Variants in NOSTRIN observed in about 807,000 individuals in gnomAD.
NOSTRIN encodes the protein BM247 homolog.
Under a neutral mutation model 59.0 loss-of-function variants are expected in NOSTRIN, and 63 were observed. That is an observed-to-expected ratio of 1.07 (90% CI 0.87 to 1.32). NOSTRIN has a LOEUF of 1.32. Among genes scored for constraint, NOSTRIN ranks in the 40% most tolerant of loss-of-function variants. The pLI, the probability that NOSTRIN is intolerant of heterozygous loss-of-function variation, is 0.00. For synonymous variants in NOSTRIN, 200 were observed against 165.4 expected, an observed-to-expected ratio of 1.21 and a Z score of -1.61; for missense variants, 512 against 473.1, an observed-to-expected ratio of 1.08 and a Z score of -0.76.
At chr2:168,813,188 C>T (rs1686238322) in intron 2 of NOSTRIN, among the ~76,000 whole-genome samples, 1 of 152,124 alleles carries the variant, frequency 6.6e-6, no homozygotes, top group Non-Finnish European at 1.5e-5. Flanking sequence ...CCTATGAATT[C>T]AACTCATTAC....
chr2:168,829,748 T>C (rs143526517), intron 5 of NOSTRIN, among the ~76,000 whole-genome samples: 65 of 152,078 alleles, frequency 4.3e-4, no homozygotes, highest in African/African-American at 1.4e-3. Context: ...CTGATAGGGG[T>C]GGGGTTATGG....
At position 168,860,504 on chromosome 2, in the gene NOSTRIN, C is replaced by G. The variant is rs145794908; in HGVS notation, c.1180-291C>G. Reference sequence around the variant, plus strand: ...TGGCTGACACGGTGAAACCCCGTCTCTACTAAGAATACAAAAATTAGCCAG... The same window carrying G: ...TGGCTGACACGGTGAAACCCCGTCTGTACTAAGAATACAAAAATTAGCCAG... On this transcript the variant is annotated intron_variant, in intron 13 of 15. Transcript: ENST00000317647. 9.2e-3 allele frequency among the ~76,000 whole-genome samples: 1,395 copies of G among 152,186 alleles called. 26 individuals carry two copies. Among genetic ancestry groups the G allele is most frequent in the African/African-American group, 0.03 (1,258 of 41,520 alleles).
At chr2:168,824,329 C>T (rs941816397) in intron 2 of NOSTRIN, among the ~76,000 whole-genome samples, 7 of 151,312 alleles carry the variant, frequency 4.6e-5, no homozygotes, top group Non-Finnish European at 8.8e-5. Flanking sequence ...GATGGAGTCT[C>T]GCTTTGTCAC....
chr2:168,803,136 G>T (rs1446627924), intron 1 of NOSTRIN, among the ~76,000 whole-genome samples: 1 of 152,124 alleles, frequency 6.6e-6, no homozygotes, highest in East Asian at 1.9e-4. Context: ...CAGGAGGAAG[G>T]ATAGACTCCC....
intron 8 of NOSTRIN, among the ~76,000 whole-genome samples, chr2:168,844,658 C>T (rs1265219405): frequency 6.6e-6 from 1 of 152,114 alleles, no homozygotes; most frequent in East Asian, 1.9e-4. Context: ...ATCAAGAGGT[C>T]AGGAGATCGA....
At chr2:168,817,396 CAG>C (rs1030900109) in intron 2 of NOSTRIN, among the ~76,000 whole-genome samples, 4 of 152,194 alleles carry the variant, frequency 2.6e-5, no homozygotes, top group Admixed American at 1.3e-4. Flanking sequence ...GGGGCTACCT[CAG>C]GGGGTGAGGA....
At position 168,864,973 on chromosome 2, in the gene NOSTRIN, C is replaced by G; in HGVS notation, c.*3C>G. Reference sequence around the variant, plus strand: ...GCAACACAGCTACAAAGGCATAAAACAAGACTCTGAACATACTACCTTCAC... The same window carrying G: ...GCAACACAGCTACAAAGGCATAAAAGAAGACTCTGAACATACTACCTTCAC... On this transcript the variant is annotated 3_prime_UTR_variant, in exon 16 of 16. Transcript: ENST00000317647. The G allele has an allele frequency of 6.2e-7, 1 of 1,613,918 alleles. No individual in the cohort carries two copies. The highest frequency in any genetic ancestry group is 1.1e-5 in the South Asian group (1 of 91,084).
chr2:168,865,132 C>G lies in NOSTRIN; in HGVS notation c.*162C>G. Reference sequence around the variant, plus strand: ...TGCATTCATGATTATTAGCTTGAAACAGTCAGAAAAAAGATGGATGGGTGG... The same window carrying G: ...TGCATTCATGATTATTAGCTTGAAAGAGTCAGAAAAAAGATGGATGGGTGG... On this transcript the variant is annotated 3_prime_UTR_variant, in exon 16 of 16. Coordinates refer to ENST00000317647, the MANE Select transcript of NOSTRIN (RefSeq NM_001039724.4). The G allele has an allele frequency of 5.3e-6, 4 of 757,912 alleles. No homozygotes were observed. Among genetic ancestry groups the G allele is most frequent in the Non-Finnish European group, 8.2e-6 (4 of 484,960 alleles). 46.9% of individuals were successfully genotyped at this position (757,912 alleles called of 1,614,324 possible). A position where few individuals can be genotyped will look rare whatever the true frequency, so the allele number is the denominator to read the frequency against.
chr2:168,864,764 ACT>A, intron 15 of NOSTRIN, 68 bp from the exon 16 acceptor site: 1 of 1,568,416 alleles, frequency 6.4e-7, no homozygotes, highest in Admixed American at 1.8e-5. Context: ...CCTCCTTAAA[ACT>A]CTTATCAATC....
rs543894247 is a variant in NOSTRIN at position 168,792,331 on chromosome 2, TTAAA to T, written c.-473+4288_-473+4291del. Among the ~76,000 whole-genome samples, 590 of 152,296 alleles carry T rather than the reference TTAAA, an allele frequency of 3.9e-3. 5 individuals are homozygous for T. Among genetic ancestry groups the T allele is most frequent in the African/African-American group, 0.013 (549 of 41,582 alleles). ...AAATTTAGTGAAAGAAAAAAATGCA[TTAAA>T]TAAAACTTCTTGAGAATTCTAAATT... On this transcript the variant is annotated intron_variant, in intron 2 of 20. Transcript: ENST00000458381.
At chr2:168,794,532 T>C (rs532614777), upstream of NOSTRIN, among the ~76,000 whole-genome samples, 18 of 151,910 alleles carry the variant, frequency 1.2e-4, no homozygotes, top group Non-Finnish European at 1.8e-4. Context: ...TTTGTGTTTT[T>C]ACTAGAGACG....
Position 168,860,880 on chromosome 2 carries a change from G to A in NOSTRIN, c.1265G>A (p.Gly422Glu), listed in dbSNP as rs759946594. Reference sequence around the variant, plus strand: ...ATTGTGAGCAAGGCATCTTCTGGTGGGCAGAGCAATCCAGGTTCTTCAACT... The same window carrying A: ...ATTGTGAGCAAGGCATCTTCTGGTGAGCAGAGCAATCCAGGTTCTTCAACT... The part of the protein sequence containing the change: ...ENIVSKASSG[G>E]QSNPGSSTPA... The change falls in exon 14 of 16, where the codon GGG becomes GAG. Residue 422 changes from glycine (G) to glutamate (E), a missense_variant. By Grantham distance (98) the Gly-to-Glu change is moderately conservative. Transcript: ENST00000317647. 4.7e-5 allele frequency: 76 copies of A among 1,613,688 alleles called. No homozygotes were observed. In the South Asian group the frequency reaches 7.4e-4, roughly 16 times the overall value.
At chr2:168,826,062 C>T (rs1215146245) in intron 3 of NOSTRIN, among the ~76,000 whole-genome samples, 3 of 152,226 alleles carry the variant, frequency 2.0e-5, no homozygotes, top group Non-Finnish European at 4.4e-5. Flanking sequence ...TCTTACCTCT[C>T]AAGATCTCTT....
chr2:168,819,907 CT>C lies in NOSTRIN; in HGVS notation c.114-4726del, dbSNP rs2105589190. 2.0e-5 allele frequency among the ~76,000 whole-genome samples: 3 copies of C among 152,294 alleles called. No homozygotes were observed. The South Asian group carries it at 6.2e-4, about 32-fold the overall frequency. ...CTTTGCCAGACCCTCAACATCCCCA[CT>C]CCCTATCCCCCAAATGCCTTGCAAC... On this transcript the variant is annotated intron_variant, in intron 2 of 15. Transcript: ENST00000317647.
At chr2:168,861,918 C>T (rs754949541) in intron 14 of NOSTRIN, 42 bp from the exon 15 acceptor site, 22 of 1,558,608 alleles carry the variant, frequency 1.4e-5, no homozygotes, top group Non-Finnish European at 1.9e-5. Flanking sequence ...TATTCATTTG[C>T]CTGCTAACAC....
upstream of NOSTRIN, among the ~76,000 whole-genome samples, chr2:168,794,719 C>T (rs1278103659): frequency 6.6e-6 from 1 of 152,170 alleles, no homozygotes; most frequent in South Asian, 2.1e-4. Context: ...GGACAGGGTG[C>T]CCTCAGTCTC....
chr2:168,841,513 T>C (rs540438827), intron 7 of NOSTRIN, among the ~76,000 whole-genome samples: 59 of 152,224 alleles, frequency 3.9e-4, no homozygotes, highest in African/African-American at 1.2e-3. Flanking sequence ...GAGCAGATCA[T>C]TGGGGAGCAG....
intron 15 of NOSTRIN, chr2:168,863,628 G>GA: frequency 1.0e-6 from 1 of 984,116 alleles, no homozygotes; most frequent in Non-Finnish European, 1.2e-6. Context: ...GTTGAATGGG[G>GA]AGTTACATTT....
chr2:168,859,745 A>G (rs1339624175), intron 13 of NOSTRIN, 108 bp downstream of exon 13: 7 of 1,346,920 alleles, frequency 5.2e-6, no homozygotes, highest in Non-Finnish European at 6.0e-6. Context: ...TGTGATATTA[A>G]TATTCATGCA....
Sources: allele counts gnomAD v4.1 joint callset (sites outside exome capture counted in the v4.1 genomes callset), GRCh38; gene constraint gnomAD v4.1.1; transcripts MANE v1.5; gene names NCBI Gene and HGNC (gene_info 2026-07-23, HGNC 2026-07-21).